Variants in ENTREP2 observed in about 807,000 individuals in gnomAD.
The protein encoded by ENTREP2 is endosomal transmembrane epsin interactor 2, also known as protein ENTREP2.
the ENTREP2 span, among the ~76,000 whole-genome samples, chr15:29,299,814 A>G: frequency 6.6e-6 from 1 of 152,208 alleles, no homozygotes; most frequent in African/African-American, 2.4e-5. Context: ...CCTAGTATAT[A>G]ATAAAGCACA....
chr15:29,443,686 T>G, the ENTREP2 span, among the ~76,000 whole-genome samples: 1 of 151,942 alleles, frequency 6.6e-6, no homozygotes. Context: ...CGGCCTGGGC[T>G]TTTCTCCAAA....
the ENTREP2 span, among the ~76,000 whole-genome samples, chr15:29,605,038 GATA>G: frequency 2.0e-5 from 3 of 152,220 alleles, no homozygotes; most frequent in South Asian, 6.2e-4. Flanking sequence ...TGTACAGATA[GATA>G]ACGTTTAAAC....
the ENTREP2 span, among the ~76,000 whole-genome samples, chr15:29,139,562 A>G: frequency 0.21 from 31,670 of 152,218 alleles, 3,928 homozygotes; most frequent in Non-Finnish European, 0.28. Context: ...ACACTTTCCA[A>G]TTCAAGGCAC....
the ENTREP2 span, among the ~76,000 whole-genome samples, chr15:29,138,662 GATGTGTGTGTCTCTGTGTGTATGTGT>G: frequency 6.6e-6 from 1 of 150,396 alleles, no homozygotes; most frequent in Non-Finnish European, 1.5e-5. Flanking sequence ...TGTGCATGTA[GATGTGTGTGTCTCTGTGTGTATGTGT>G]ATGTGTGTGT....
chr15:29,233,213 G>A, the ENTREP2 span, among the ~76,000 whole-genome samples: 8 of 152,206 alleles, frequency 5.3e-5, no homozygotes, highest in East Asian at 5.8e-4. Context: ...GCTTACCTCC[G>A]GGTTTGTAAC....
At chr15:29,601,009 T>C in the ENTREP2 span, among the ~76,000 whole-genome samples, 1 of 148,940 alleles carries the variant, frequency 6.7e-6, no homozygotes. Context: ...GCCATTCTCC[T>C]GCCTCAGCCT....
the ENTREP2 span, among the ~76,000 whole-genome samples, chr15:29,166,023 A>G: frequency 6.6e-6 from 1 of 152,218 alleles, no homozygotes; most frequent in Non-Finnish European, 1.5e-5. Flanking sequence ...TAACATATGC[A>G]AGTCAATAAA....
the ENTREP2 span, among the ~76,000 whole-genome samples, chr15:29,526,347 G>C: frequency 6.6e-6 from 1 of 152,036 alleles, no homozygotes; most frequent in Non-Finnish European, 1.5e-5. Flanking sequence ...GTCCCTCTTG[G>C]ACAGCCTCTG....
At chr15:29,381,682 T>G in the ENTREP2 span, 2 of 1,029,804 alleles carry the variant, frequency 1.9e-6, no homozygotes, top group East Asian at 2.6e-5. Flanking sequence ...TGAAAAGAAG[T>G]TGGAATTCTC....
At chr15:29,281,234 CATT>C in the ENTREP2 span, among the ~76,000 whole-genome samples, 1 of 152,172 alleles carries the variant, frequency 6.6e-6, no homozygotes, top group African/African-American at 2.4e-5. Flanking sequence ...CTGCCGAACT[CATT>C]GTAATTTATT....
chr15:29,618,754 G>A, the ENTREP2 span, among the ~76,000 whole-genome samples: 1 of 152,200 alleles, frequency 6.6e-6, no homozygotes, highest in South Asian at 2.1e-4. Context: ...CCCTGAAGGA[G>A]ACTGATCTGG....
the ENTREP2 span, among the ~76,000 whole-genome samples, chr15:29,433,316 T>C: frequency 6.6e-6 from 1 of 152,254 alleles, no homozygotes; most frequent in African/African-American, 2.4e-5. Flanking sequence ...TGAAGGGCTG[T>C]GTCCTGTTTC....
At chr15:29,448,970 T>C in the ENTREP2 span, among the ~76,000 whole-genome samples, 1 of 152,202 alleles carries the variant, frequency 6.6e-6, no homozygotes, top group South Asian at 2.1e-4. Flanking sequence ...TCCCAACCCC[T>C]GGCCTGAAGG....
the ENTREP2 span, chr15:29,269,665 TG>T: frequency 2.6e-6 from 4 of 1,561,640 alleles, no homozygotes; most frequent in Non-Finnish European, 3.4e-6. Flanking sequence ...CCTCTCGGCC[TG>T]GCCGCCAGAG....
At chr15:29,192,009 T>C in the ENTREP2 span, among the ~76,000 whole-genome samples, 57,928 of 152,038 alleles carry the variant, frequency 0.38, 11,240 homozygotes, top group East Asian at 0.55. Context: ...GGCACTGCCA[T>C]CACCTCTACT....
the ENTREP2 span, among the ~76,000 whole-genome samples, chr15:29,614,849 A>G: frequency 6.6e-6 from 1 of 151,988 alleles, no homozygotes; most frequent in African/African-American, 2.4e-5. Context: ...TTGAGCTTAG[A>G]TGTTTGAAAC....
the ENTREP2 span, among the ~76,000 whole-genome samples, chr15:29,225,215 AG>A: frequency 6.6e-6 from 1 of 152,246 alleles, no homozygotes; most frequent in Non-Finnish European, 1.5e-5. Flanking sequence ...AGCGGGCTGA[AG>A]GGCTCCTCAA....
chr15:29,657,081 G>A, the ENTREP2 span, among the ~76,000 whole-genome samples: 12 of 152,014 alleles, frequency 7.9e-5, no homozygotes, highest in South Asian at 6.2e-4. Context: ...CGAGTCTCCC[G>A]CTGTTCCTCA....
At chr15:29,365,006 T>C in the ENTREP2 span, among the ~76,000 whole-genome samples, 3 of 152,186 alleles carry the variant, frequency 2.0e-5, no homozygotes, top group African/African-American at 7.2e-5. Context: ...CATAATGACC[T>C]GTATCCACCA....
Sources: allele counts gnomAD v4.1 joint callset (sites outside exome capture counted in the v4.1 genomes callset), GRCh38; gene constraint gnomAD v4.1.1; transcripts MANE v1.5; gene names NCBI Gene and HGNC (gene_info 2026-07-23, HGNC 2026-07-21).